SLC44A2: variants seen among roughly 807,000 people sequenced by gnomAD.
SLC44A2 encodes solute carrier family 44 member 2 (CTL2 blood group), also known as choline transporter-like protein 2.
SLC44A2 carries 57 observed loss-of-function variants against 90.8 expected under a neutral mutation model. The observed-to-expected ratio is 0.63, with a 90% confidence interval of 0.51 to 0.78. SLC44A2 has a LOEUF of 0.78. Ranked by LOEUF, SLC44A2 falls within the 30% of genes least tolerant of loss-of-function variation. SLC44A2 has a pLI of 0.00. For synonymous variants in SLC44A2, 355 were observed against 360.7 expected, an observed-to-expected ratio of 0.98 and a Z score of 0.18; for missense variants, 794 against 919.7, an observed-to-expected ratio of 0.86 and a Z score of 1.77.
intron 10 of SLC44A2, among the ~76,000 whole-genome samples, chr19:10,633,988 T>TTTTTTTTTGG (rs1285330749): frequency 6.7e-6 from 1 of 148,292 alleles, no homozygotes. Flanking sequence ...TTTTTTTTTT[T>TTTTTTTTTGG]GAGACAGAGT....
At chr19:10,626,673 T>A (rs2066937893) in intron 2 of SLC44A2, among the ~76,000 whole-genome samples, 1 of 151,868 alleles carries the variant, frequency 6.6e-6, no homozygotes, top group South Asian at 2.1e-4. Flanking sequence ...CCACCTGCCT[T>A]GGCCTCCCAA....
chr19:10,636,671 A>G lies in SLC44A2; in HGVS notation c.1506A>G (p.Thr502=), dbSNP rs771697576. 1 of 1,613,078 alleles carries G rather than the reference A, an allele frequency of 6.2e-7. No individual in the cohort carries two copies. The change falls in exon 16 of 22, where the codon ACA becomes ACG. Residue 502 remains threonine, a synonymous_variant. Transcript: ENST00000335757. Reference sequence around the variant, plus strand: ...CTCCCTCGGCCCGCAGGTACCACACAGGCTCCCTGGCCTTTGGCGCGCTCA... The same window carrying G: ...CTCCCTCGGCCCGCAGGTACCACACGGGCTCCCTGGCCTTTGGCGCGCTCA... ...SAFGRALRYH[T]GSLAFGALIL...
intron 1 of SLC44A2, among the ~76,000 whole-genome samples, chr19:10,614,566 A>C (rs10412539): frequency 0.038 from 5,853 of 152,288 alleles, 349 homozygotes; most frequent in African/African-American, 0.13. Context: ...CCCAAAACTT[A>C]ATTAGTGATA....
At chr19:10,623,353 G>A (rs917469674), upstream of SLC44A2, among the ~76,000 whole-genome samples, 2 of 152,002 alleles carry the variant, frequency 1.3e-5, no homozygotes, top group East Asian at 1.9e-4. Flanking sequence ...CCCTGCCTGC[G>A]AGTCCTAGAG....
Position 10,634,758 on chromosome 19 carries a change from A to T in SLC44A2, c.826A>T (p.Ile276Leu). 6.2e-7 allele frequency: 1 copy of T among 1,614,176 alleles called. No homozygotes were observed. Among genetic ancestry groups the T allele is most frequent in the Non-Finnish European group, 8.5e-7 (1 of 1,180,030 alleles). ...IMVILVLGYG[I>L]FHCYMEYSRL... The stretch of plus-strand genomic sequence containing the variant: ...GAGCTTGTGGTTCCCCCATGCAGGA[A>T]TATTTCACTGCTACATGGAGTACTC... The change falls in exon 11 of 22, where the codon ATA (isoleucine) becomes TTA (leucine). Residue 276 changes from isoleucine to leucine, a missense_variant and splice_region_variant. Physicochemically the swap from Ile to Leu is conservative, Grantham distance 5. Transcript: ENST00000335757.
At chr19:10,630,802 G>A (rs1438428638) in intron 4 of SLC44A2, among the ~76,000 whole-genome samples, 1 of 151,792 alleles carries the variant, frequency 6.6e-6, no homozygotes, top group Non-Finnish European at 1.5e-5. Context: ...TCAGGAGTTT[G>A]AGACCAGCCT....
intron 16 of SLC44A2, chr19:10,637,075 G>T: frequency 3.7e-6 from 1 of 271,724 alleles, no homozygotes; most frequent in Non-Finnish European, 7.0e-6. Flanking sequence ...TGGTTTATTA[G>T]CCGGGCGCCG....
intron 1 of SLC44A2, among the ~76,000 whole-genome samples, chr19:10,614,609 A>G (rs1024395431): frequency 3.9e-5 from 6 of 152,222 alleles, no homozygotes; most frequent in African/African-American, 1.2e-4. Flanking sequence ...TACGGACAAC[A>G]TATCAACATA....
upstream of SLC44A2, chr19:10,625,392 C>A: frequency 9.1e-7 from 1 of 1,095,414 alleles, no homozygotes; most frequent in Non-Finnish European, 1.1e-6. Flanking sequence ...GCGGGGAAGG[C>A]TAAATGCGGC....
At chr19:10,631,843 C>T in intron 8 of SLC44A2, 25 bp from the exon 9 acceptor site, 1 of 1,614,200 alleles carries the variant, frequency 6.2e-7, no homozygotes, top group Admixed American at 1.7e-5. Context: ...AGGGTCTGAC[C>T]CGAGCCTTGT....
chr19:10,626,499 C>T (rs1325548533), intron 2 of SLC44A2, among the ~76,000 whole-genome samples, 198 bp downstream of exon 2: 4 of 151,224 alleles, frequency 2.6e-5, no homozygotes, highest in East Asian at 2.0e-4. Flanking sequence ...CTGCAACCTT[C>T]GCCTCCCGGG....
At chr19:10,641,865 A>C (rs1011027136) in intron 20 of SLC44A2, among the ~76,000 whole-genome samples, 18 of 151,846 alleles carry the variant, frequency 1.2e-4, no homozygotes, top group African/African-American at 4.4e-4. Context: ...AAAAAAGAAA[A>C]AAAAAAAAGG....
rs1393491697 is a variant in SLC44A2, at chr19:10,643,288, T to C, written c.2024T>C (p.Leu675Pro). 1.7e-5 allele frequency: 27 copies of C among 1,611,238 alleles called. No homozygotes were observed. In the East Asian group the frequency reaches 5.1e-4, roughly 31 times the overall value. ...GGACCTCTCTCCACAGTGGAGGACC[T>C]GGAGAGGAATGACGGCTCGGCCGAG... ...DTLFLCFLEDLERNDGSAERP... is the reference protein window; with the variant it reads ...DTLFLCFLEDPERNDGSAERP... The change falls in exon 22 of 22, where the codon CTG becomes CCG. Residue 675 changes from leucine to proline, a missense_variant. By Grantham distance (98) the Leu-to-Pro change is moderately conservative (BLOSUM62 -3). Coordinates refer to ENST00000335757, the MANE Select transcript of SLC44A2 (RefSeq NM_020428.4).
intron 2 of SLC44A2, among the ~76,000 whole-genome samples, chr19:10,626,683 A>G (rs1383312393): frequency 6.6e-6 from 1 of 151,710 alleles, no homozygotes; most frequent in East Asian, 1.9e-4. Flanking sequence ...TGGCCTCCCA[A>G]AGTGCTGGGA....
intron 1 of SLC44A2, among the ~76,000 whole-genome samples, chr19:10,614,699 G>C (rs1393430804): frequency 6.6e-6 from 1 of 152,122 alleles, no homozygotes; most frequent in African/African-American, 2.4e-5. Flanking sequence ...GGCTGGGCGC[G>C]GTGGCTCACG....
At chr19:10,629,739 C>T (rs1376561953) in intron 4 of SLC44A2, among the ~76,000 whole-genome samples, 1 of 151,784 alleles carries the variant, frequency 6.6e-6, no homozygotes, top group Non-Finnish European at 1.5e-5. Context: ...GCCACCCTGC[C>T]TGGCCCTATA....
At chr19:10,605,682 G>C (rs1312416566) in intron 1 of SLC44A2, among the ~76,000 whole-genome samples, 2 of 148,700 alleles carry the variant, frequency 1.3e-5, no homozygotes, top group African/African-American at 2.5e-5. Context: ...GTGAGACTCC[G>C]TCTCAAAAAA....
At chr19:10,608,503 T>C (rs568501837) in intron 1 of SLC44A2, among the ~76,000 whole-genome samples, 3 of 152,012 alleles carry the variant, frequency 2.0e-5, no homozygotes, top group African/African-American at 7.2e-5. Context: ...ATCCTAAATA[T>C]ATGAGGCTGA....
intron 1 of SLC44A2, among the ~76,000 whole-genome samples, chr19:10,613,774 A>T (rs2066832946): frequency 6.6e-6 from 1 of 152,076 alleles, no homozygotes; most frequent in Admixed American, 6.6e-5. Flanking sequence ...GTCTTTAAAA[A>T]TGGAAGAAGT....
Sources: gnomAD v4.1 joint callset for allele counts (sites outside exome capture counted in the v4.1 genomes callset) on GRCh38, gnomAD v4.1.1 for gene constraint, MANE v1.5 for transcripts, NCBI Gene and HGNC (gene_info 2026-07-23, HGNC 2026-07-21) for gene names.